The following CD300E variants were observed in gnomAD, a reference collection of about 807,000 sequenced individuals.
The protein encoded by CD300E is CMRF35-like molecule 2.
In CD300E, 14 loss-of-function variants were observed where a neutral mutation model predicts 20.9. The ratio of observed to expected loss-of-function variants is 0.67; its 90% CI spans 0.44 to 1.05. The LOEUF (loss-of-function observed/expected upper bound fraction) is 1.05, where lower values mean the gene tolerates loss of function less well. Ranked by LOEUF, CD300E falls within the 50% of genes least tolerant of loss-of-function variation. The pLI is 0.00. For synonymous variants in CD300E, 102 were observed against 103.7 expected, an observed-to-expected ratio of 0.98 and a Z score of 0.10; for missense variants, 237 against 253.9, an observed-to-expected ratio of 0.93 and a Z score of 0.45.
chr17:74,614,387 A>C (rs575290215), intron 2 of CD300E, among the ~76,000 whole-genome samples: 2 of 151,440 alleles, frequency 1.3e-5, no homozygotes, highest in South Asian at 4.2e-4. Context: ...GGGAAGGAGG[A>C]GTCTAAAGGA....
In CD300E at chr17:74,611,185, T is replaced by C. The variant is rs2030768108; in HGVS notation, c.*1468A>G. On this transcript the variant is annotated 3_prime_UTR_variant, in exon 4 of 4. Transcript: ENST00000392619. ...TATAATTAATATGGGCCTTGTTAGATTGAATTTCTCTTTCAGCATGAGTCC... is the reference window on the plus strand; with the variant it reads ...TATAATTAATATGGGCCTTGTTAGACTGAATTTCTCTTTCAGCATGAGTCC... 1 of 152,250 alleles carries C rather than the reference T, an allele frequency of 6.6e-6. No individual in the cohort carries two copies. Among genetic ancestry groups the C allele is most frequent in the Non-Finnish European group, 1.5e-5 (1 of 68,048 alleles). 9.4% of individuals were successfully genotyped at this position (152,250 alleles called of 1,614,324 possible). A position where few individuals can be genotyped will look rare whatever the true frequency, so the allele number is the denominator to read the frequency against.
chr17:74,611,048 A>G lies in CD300E; in HGVS notation c.*1605T>C, dbSNP rs2030764768. On this transcript the variant is annotated 3_prime_UTR_variant, in exon 4 of 4. Transcript: ENST00000392619. ...CACCAACCCCCTGACATCAGGAAGCATCTCTTGTGGCTCTAGAGTTCTTCC... is the reference window on the plus strand; with the variant it reads ...CACCAACCCCCTGACATCAGGAAGCGTCTCTTGTGGCTCTAGAGTTCTTCC... 6.6e-6 allele frequency: 1 copy of G among 152,260 alleles called. No homozygotes were observed. The highest frequency in any genetic ancestry group is 1.5e-5 in the Non-Finnish European group (1 of 68,042). The allele number at this position is 152,260 out of a possible 1,614,324, so 9.4% of individuals were successfully genotyped here. A position where few individuals can be genotyped will look rare whatever the true frequency, so the allele number is the denominator to read the frequency against.
intron 1 of CD300E, among the ~76,000 whole-genome samples, chr17:74,618,033 AC>A (rs928066426): frequency 1.3e-5 from 2 of 151,914 alleles, no homozygotes; most frequent in African/African-American, 4.8e-5. Flanking sequence ...ACACAAGATG[AC>A]CCCCCCGACA....
Position 74,623,697 on chromosome 17 carries a change from G to T in CD300E, c.-76C>A. The stretch of plus-strand genomic sequence containing the variant: ...ATCCAAGTATATGTAACGGAGCCTG[G>T]GTCATCCACTTTCTACTTGTCCAAG... On this transcript the variant is annotated 5_prime_UTR_variant, in exon 1 of 4. Coordinates refer to ENST00000392619, the MANE Select transcript of CD300E (RefSeq NM_181449.3). The T allele has an allele frequency of 6.8e-7, 1 of 1,480,800 alleles. No homozygotes were observed. The highest frequency in any genetic ancestry group is 9.4e-7 in the Non-Finnish European group (1 of 1,058,484). 91.7% of individuals were successfully genotyped at this position (1,480,800 alleles called of 1,614,324 possible). A position where few individuals can be genotyped will look rare whatever the true frequency, so the allele number is the denominator to read the frequency against.
intron 3 of CD300E, 52 bp downstream of exon 3, chr17:74,613,873 G>C: frequency 2.4e-6 from 3 of 1,268,054 alleles, no homozygotes; most frequent in Non-Finnish European, 2.3e-6. Flanking sequence ...CCACCCCCCA[G>C]CTTCCACCCC....
At chr17:74,615,754 A>C (rs2030886445) in intron 2 of CD300E, among the ~76,000 whole-genome samples, 1 of 152,152 alleles carries the variant, frequency 6.6e-6, no homozygotes, top group Non-Finnish European at 1.5e-5. Context: ...CAGGTAGATA[A>C]GGAAATGGAA....
At chr17:74,613,152 T>G (rs536923217) in intron 3 of CD300E, among the ~76,000 whole-genome samples, 23 of 152,352 alleles carry the variant, frequency 1.5e-4, no homozygotes, top group African/African-American at 5.3e-4. Context: ...TCACCCAGGC[T>G]GGAGTGCAGT....
intron 1 of CD300E, chr17:74,619,036 C>T: frequency 2.1e-6 from 1 of 469,270 alleles, no homozygotes; most frequent in South Asian, 1.6e-5. Flanking sequence ...TACGTTCTCC[C>T]CCAAGAACCT....
At chr17:74,614,300 C>T (rs1287076052) in intron 2 of CD300E, among the ~76,000 whole-genome samples, 3 of 152,052 alleles carry the variant, frequency 2.0e-5, no homozygotes, top group Non-Finnish European at 4.4e-5. Context: ...ACTCTGCCCT[C>T]ATCCCACTCT....
At chr17:74,617,762 C>T (rs75085866) in intron 1 of CD300E, among the ~76,000 whole-genome samples, 8,499 of 152,266 alleles carry the variant, frequency 0.056, 290 homozygotes, top group African/African-American at 0.077. Context: ...GCCCTGCAGC[C>T]TCTGCCAGGC....
At chr17:74,620,761 G>A (rs2031003328) in intron 1 of CD300E, among the ~76,000 whole-genome samples, 1 of 152,202 alleles carries the variant, frequency 6.6e-6, no homozygotes, top group Non-Finnish European at 1.5e-5. Context: ...GGTAAAGCAA[G>A]GCAACTTGCA....
Position 74,612,840 on chromosome 17 carries a change from C to G in CD300E, c.498-67G>C. On this transcript the variant is annotated intron_variant, in intron 3 of 3. Transcript: ENST00000392619. ...ACCCCCAGGACCCTTCTCTCCCCAC[C>G]TCTCCCCATGCTCTGACTCTGGAGC... 3 of 1,587,120 alleles carry G rather than the reference C, an allele frequency of 1.9e-6. No individual in the cohort carries two copies. In the South Asian group the frequency reaches 3.4e-5, roughly 18 times the overall value.
chr17:74,618,448 G>A (rs781495187), intron 1 of CD300E, among the ~76,000 whole-genome samples: 11 of 152,248 alleles, frequency 7.2e-5, no homozygotes, highest in South Asian at 2.1e-4. Flanking sequence ...ATGAATACGC[G>A]CAGGGGCCAC....
rs372303278 is a variant in CD300E at position 74,614,019 on chromosome 17, T to C, written c.403A>G (p.Arg135Gly). 69 of 1,613,718 alleles carry C rather than the reference T, an allele frequency of 4.3e-5. No homozygotes were observed. The highest frequency in any genetic ancestry group is 5.5e-5 in the Non-Finnish European group (65 of 1,179,848). Residue 135 changes from arginine (R) to glycine (G), a missense_variant, in exon 3 of 4, where the codon AGG becomes GGG. By Grantham distance (125) the Arg-to-Gly change is moderately radical. Transcript: ENST00000392619. ...VYVSPAITTP[R>G]RTTHPATPPI... ...GGTGTGGCTGGATGTGTGGTCCTCCTTGGGGTTGTAATTGCTGTTGGAGAT... is the reference window on the plus strand; with the variant it reads ...GGTGTGGCTGGATGTGTGGTCCTCCCTGGGGTTGTAATTGCTGTTGGAGAT...
rs922916065 is a variant in CD300E at position 74,610,913 on chromosome 17, C to G, written c.*1740G>C. The G allele has an allele frequency of 2.0e-5, 3 of 152,502 alleles. No individual in the cohort carries two copies. The highest frequency in any genetic ancestry group is 7.2e-5 in the African/African-American group (3 of 41,450). The allele number at this position is 152,502 out of a possible 1,614,324, so 9.4% of individuals were successfully genotyped here. A position where few individuals can be genotyped will look rare whatever the true frequency, so the allele number is the denominator to read the frequency against. ...CTTATGCTGTTTCTCTGTCCTCTCT[C>G]TCTCCCTGTTGCTCCATCCCTGCTC... On this transcript the variant is annotated 3_prime_UTR_variant, in exon 4 of 4. Coordinates refer to ENST00000392619, the MANE Select transcript of CD300E (RefSeq NM_181449.3).
At chr17:74,619,182 G>C (rs2030967804) in intron 1 of CD300E, 1 of 469,344 alleles carries the variant, frequency 2.1e-6, no homozygotes, top group Non-Finnish European at 4.4e-6. Context: ...CAGAGCTCAG[G>C]ACTGCATTTC....
chr17:74,616,163 A>T (rs2143361365), intron 2 of CD300E, among the ~76,000 whole-genome samples: 1 of 152,232 alleles, frequency 6.6e-6, no homozygotes, highest in South Asian at 2.1e-4. Context: ...AACGGGAGTG[A>T]TGGGGGCAAT....
intron 1 of CD300E, among the ~76,000 whole-genome samples, chr17:74,622,611 G>T (rs2467244): frequency 0.87 from 131,812 of 152,236 alleles, 57,836 homozygotes; most frequent in Non-Finnish European, 0.93. Context: ...TTTTCCTGCA[G>T]TTTTGTATTT....
chr17:74,616,573 G>A (rs2030905296), intron 2 of CD300E, among the ~76,000 whole-genome samples: 1 of 152,148 alleles, frequency 6.6e-6, no homozygotes, highest in Non-Finnish European at 1.5e-5. Context: ...TGGCCATCTG[G>A]CACAGCATTT....
Sources: allele counts gnomAD v4.1 joint callset (sites outside exome capture counted in the v4.1 genomes callset), GRCh38; gene constraint gnomAD v4.1.1; transcripts MANE v1.5; gene names NCBI Gene and HGNC (gene_info 2026-07-23, HGNC 2026-07-21).